The following BIRC6 variants were observed in gnomAD, a reference collection of about 807,000 sequenced individuals.
The protein encoded by BIRC6 is baculoviral IAP repeat containing 6, also known as dual E2 ubiquitin-conjugating enzyme/E3 ubiquitin-protein ligase BIRC6.
A neutral mutation model predicts 503.3 loss-of-function variants in BIRC6; 98 were observed. The observed-to-expected ratio is 0.19, with a 90% CI of 0.17 to 0.23. BIRC6 has a LOEUF of 0.23. BIRC6 is among the 10% of genes least tolerant of loss of function. BIRC6 has a pLI of 1.00. For missense variants in BIRC6, 5,360 were observed against 5,806.0 expected (o/e 0.92, Z 2.50); for synonymous variants, 2,240 against 2,078.7 (o/e 1.08, Z -2.11).
At chr2:32,407,608 A>G (rs2041386172) in intron 9 of BIRC6, among the ~76,000 whole-genome samples, 2 of 152,162 alleles carry the variant, frequency 1.3e-5, no homozygotes, top group African/African-American at 4.8e-5. Context: ...AAATCTTTTT[A>G]GAAGAGGAAT....
At chr2:32,420,439 C>G (rs1245251075) in intron 10 of BIRC6, among the ~76,000 whole-genome samples, 1 of 152,016 alleles carries the variant, frequency 6.6e-6, no homozygotes, top group African/African-American at 2.4e-5. Context: ...TGAGTTCTGA[C>G]AGTCTTTTTG....
intron 1 of BIRC6, among the ~76,000 whole-genome samples, chr2:32,368,264 G>A (rs2035259906): frequency 6.6e-6 from 1 of 152,048 alleles, no homozygotes; most frequent in South Asian, 2.1e-4. Flanking sequence ...TCCCTGGCTG[G>A]GCATGGTGGC....
Position 32,518,810 on chromosome 2 carries a change from T to C in BIRC6, c.11494-7T>C. On this transcript the variant is annotated splice_polypyrimidine_tract_variant and splice_region_variant and intron_variant, in intron 56 of 73. Coordinates refer to ENST00000421745, the MANE Select transcript of BIRC6 (RefSeq NM_016252.4). ...CTTCCTGATTTCTTTGATTTCTTGATTTTCAGCTGTACAAAGGTAGAATTA... is the reference window on the plus strand; with the variant it reads ...CTTCCTGATTTCTTTGATTTCTTGACTTTCAGCTGTACAAAGGTAGAATTA... 6.2e-7 allele frequency: 1 copy of C among 1,610,396 alleles called. No individual in the cohort carries two copies. Among genetic ancestry groups the C allele is most frequent in the Non-Finnish European group, 8.5e-7 (1 of 1,178,138 alleles).
In BIRC6 at chr2:32,422,628, T is replaced by G. The variant is rs113970718; in HGVS notation, c.2872+6465T>G. 2.3e-3 allele frequency among the ~76,000 whole-genome samples: 347 copies of G among 152,278 alleles called. 4 individuals carry two copies. The highest frequency in any genetic ancestry group is 8.1e-3 in the African/African-American group (336 of 41,544). Reference sequence around the variant, plus strand: ...TTTCCTTTTATAAAGAAAACTGGTTTTATGCTTTGGATGTGAATATTTCAA... The same window carrying G: ...TTTCCTTTTATAAAGAAAACTGGTTGTATGCTTTGGATGTGAATATTTCAA... On this transcript the variant is annotated intron_variant, in intron 10 of 73. Coordinates refer to ENST00000421745, the MANE Select transcript of BIRC6 (RefSeq NM_016252.4).
intron 6 of BIRC6, among the ~76,000 whole-genome samples, chr2:32,399,015 A>G (rs2040295549): frequency 6.6e-6 from 1 of 152,200 alleles, no homozygotes. Context: ...TTTCTTTGCC[A>G]TGGAAATAAA....
At chr2:32,610,149 C>T (rs2062764750) in intron 72 of BIRC6, among the ~76,000 whole-genome samples, 1 of 152,136 alleles carries the variant, frequency 6.6e-6, no homozygotes, top group South Asian at 2.1e-4. Flanking sequence ...GTGGTGGGAT[C>T]GTATTGGTGT....
chr2:32,370,081 C>CACACAG (rs1233704758), intron 1 of BIRC6, among the ~76,000 whole-genome samples: 50 of 148,122 alleles, frequency 3.4e-4, no homozygotes, highest in African/African-American at 1.2e-3. Flanking sequence ...CACACACACA[C>CACACAG]AGCACGCACG....
chr2:32,510,900 CAT>C (rs1435524121), intron 53 of BIRC6, among the ~76,000 whole-genome samples: 14 of 152,244 alleles, frequency 9.2e-5, no homozygotes, highest in African/African-American at 1.7e-4. Flanking sequence ...TGGAATAAAA[CAT>C]ATATTTTTAA....
intron 62 of BIRC6, among the ~76,000 whole-genome samples, chr2:32,544,104 A>G (rs925792830): frequency 2.0e-5 from 3 of 152,236 alleles, no homozygotes; most frequent in African/African-American, 7.2e-5. Context: ...AAGTTAGCAG[A>G]TGAAAATTTG....
At chr2:32,410,729 C>CT (rs1177301807) in intron 9 of BIRC6, among the ~76,000 whole-genome samples, 1 of 149,780 alleles carries the variant, frequency 6.7e-6, no homozygotes, top group Non-Finnish European at 1.5e-5. Context: ...GAAATGGAGT[C>CT]TCGCTCTGTC....
At chr2:32,580,229 C>T (rs1318789717) in intron 66 of BIRC6, among the ~76,000 whole-genome samples, 1 of 152,142 alleles carries the variant, frequency 6.6e-6, no homozygotes, top group Non-Finnish European at 1.5e-5. Flanking sequence ...TCTGGGAGTA[C>T]ATACAGGTGT....
At chr2:32,416,727 G>A (rs886897956) in intron 10 of BIRC6, among the ~76,000 whole-genome samples, 1 of 152,044 alleles carries the variant, frequency 6.6e-6, no homozygotes, top group Non-Finnish European at 1.5e-5. Context: ...TATAGATTAA[G>A]ATAGTGTGCA....
At chr2:32,559,075 A>C (rs1245612523) in intron 65 of BIRC6, among the ~76,000 whole-genome samples, 1 of 152,164 alleles carries the variant, frequency 6.6e-6, no homozygotes, top group African/African-American at 2.4e-5. Context: ...TTAGTTCCAA[A>C]TGCAGAAAGT....
intron 10 of BIRC6, among the ~76,000 whole-genome samples, chr2:32,421,588 G>T (rs1369847523): frequency 6.6e-6 from 1 of 151,922 alleles, no homozygotes; most frequent in African/African-American, 2.4e-5. Context: ...TTTCTTGTTT[G>T]GCCCAGAGAT....
intron 24 of BIRC6, among the ~76,000 whole-genome samples, chr2:32,464,064 A>G (rs1024017226): frequency 3.9e-5 from 6 of 152,166 alleles, no homozygotes; most frequent in Non-Finnish European, 5.9e-5. Flanking sequence ...CGCCTCTGCC[A>G]CATCTCCCCG....
intron 11 of BIRC6, 39 bp from the exon 12 acceptor site, chr2:32,430,826 T>TCC (rs374759837): frequency 2.1e-6 from 2 of 939,274 alleles, no homozygotes; most frequent in Non-Finnish European, 3.2e-6. Context: ...TTTTTTTTTT[T>TCC]CCACACCTAT....
intron 66 of BIRC6, among the ~76,000 whole-genome samples, chr2:32,591,446 T>A (rs1485659992): frequency 6.6e-6 from 1 of 152,170 alleles, no homozygotes; most frequent in African/African-American, 2.4e-5. Flanking sequence ...AAAAGTGGAT[T>A]TAGGAAATTG....
At position 32,617,706 on chromosome 2, in the gene BIRC6, G is replaced by C. The variant is rs761379760; in HGVS notation, c.14395-19G>C. Reference sequence around the variant, plus strand: ...TAGAGGGTTTGCAGTTCTAACATTAGTCCTTTTCTCCTGCATAGCGTCACA... The same window carrying C: ...TAGAGGGTTTGCAGTTCTAACATTACTCCTTTTCTCCTGCATAGCGTCACA... On this transcript the variant is annotated intron_variant, in intron 73 of 73. Transcript: ENST00000421745. 23 of 1,608,812 alleles carry C rather than the reference G, an allele frequency of 1.4e-5. No individual in the cohort carries two copies. Among genetic ancestry groups the C allele is most frequent in the Non-Finnish European group, 1.9e-5 (22 of 1,176,864 alleles).
intron 23 of BIRC6, among the ~76,000 whole-genome samples, chr2:32,457,284 G>A (rs1381236432): frequency 6.6e-6 from 1 of 151,978 alleles, no homozygotes; most frequent in Non-Finnish European, 1.5e-5. Context: ...TCTTTCAATG[G>A]GAGAATTTAA....
Sources: allele counts gnomAD v4.1 joint callset (sites outside exome capture counted in the v4.1 genomes callset), GRCh38; gene constraint gnomAD v4.1.1; transcripts MANE v1.5; gene names NCBI Gene and HGNC (gene_info 2026-07-23, HGNC 2026-07-21).